Variants in CTNNBL1 observed in about 807,000 individuals in gnomAD.
CTNNBL1 encodes the protein catenin beta like 1.
CTNNBL1 carries 31 observed loss-of-function variants against 72.7 expected under a neutral mutation model. The ratio of observed to expected loss-of-function variants is 0.43; its 90% confidence interval spans 0.32 to 0.58. CTNNBL1 has a LOEUF of 0.58. Among genes scored for constraint, CTNNBL1 ranks in the 20% least tolerant of loss-of-function variants. The pLI is 0.08. For synonymous variants in CTNNBL1, 240 were observed against 267.3 expected (o/e 0.90, Z 1.00); for missense variants, 534 against 725.1 (o/e 0.74, Z 3.03).
intron 7 of CTNNBL1, among the ~76,000 whole-genome samples, chr20:37,771,147 C>A (rs2073519418): frequency 6.6e-6 from 1 of 152,122 alleles, no homozygotes; most frequent in Non-Finnish European, 1.5e-5. Context: ...ATTGCGAAAT[C>A]AAATATGATA....
At chr20:37,798,268 A>G (rs1204451575) in intron 10 of CTNNBL1, among the ~76,000 whole-genome samples, 4 of 152,236 alleles carry the variant, frequency 2.6e-5, no homozygotes, top group Admixed American at 2.0e-4. Flanking sequence ...TGCATAATAA[A>G]GAAGAATAAG....
At chr20:37,726,984 G>A (rs1345811062) in intron 1 of CTNNBL1, among the ~76,000 whole-genome samples, 1 of 152,160 alleles carries the variant, frequency 6.6e-6, no homozygotes, top group Non-Finnish European at 1.5e-5. Flanking sequence ...GCCCATAAAT[G>A]TGATAATATA....
At chr20:37,839,926 TG>T (rs745354146) in intron 11 of CTNNBL1, among the ~76,000 whole-genome samples, 175 bp from the exon 12 acceptor site, 1 of 152,230 alleles carries the variant, frequency 6.6e-6, no homozygotes, top group Non-Finnish European at 1.5e-5. Flanking sequence ...TTTTGTGCAA[TG>T]TGAAGATTGG....
At chr20:37,793,040 C>T (rs1191634681) in intron 10 of CTNNBL1, among the ~76,000 whole-genome samples, 2 of 152,106 alleles carry the variant, frequency 1.3e-5, no homozygotes, top group Admixed American at 1.3e-4. Context: ...TTTATTAAGA[C>T]TTGTTTTTGG....
intron 11 of CTNNBL1, among the ~76,000 whole-genome samples, chr20:37,828,422 T>G (rs2072179426): frequency 6.6e-6 from 1 of 152,204 alleles, no homozygotes. Context: ...TGGGTATATT[T>G]TAACTCTTGA....
At chr20:37,840,286 T>C (rs1348157630) in intron 12 of CTNNBL1, 87 bp downstream of exon 12, 3 of 991,116 alleles carry the variant, frequency 3.0e-6, no homozygotes, top group Middle Eastern at 2.1e-4. Context: ...CTGGGTTGAG[T>C]GGTCCTACCC....
intron 3 of CTNNBL1, among the ~76,000 whole-genome samples, chr20:37,745,791 G>A (rs936685093): frequency 1.3e-5 from 2 of 152,196 alleles, no homozygotes; most frequent in Non-Finnish European, 2.9e-5. Context: ...TTTCTTGTAT[G>A]TCAAACACCG....
intron 12 of CTNNBL1, among the ~76,000 whole-genome samples, chr20:37,840,987 A>G (rs755910192): frequency 1.3e-5 from 2 of 152,242 alleles, no homozygotes; most frequent in Non-Finnish European, 2.9e-5. Context: ...ATGAGATTAG[A>G]TGGATATTTT....
intron 12 of CTNNBL1, 33 bp downstream of exon 12, chr20:37,840,232 G>C (rs757197684): frequency 6.8e-7 from 1 of 1,471,370 alleles, no homozygotes; most frequent in South Asian, 1.1e-5. Flanking sequence ...AGCTGGGACC[G>C]GGACTGATAG....
chr20:37,707,813 G>T (rs1234107250), intron 1 of CTNNBL1, among the ~76,000 whole-genome samples: 1 of 152,144 alleles, frequency 6.6e-6, no homozygotes, highest in Non-Finnish European at 1.5e-5. Context: ...TATAGCTTTT[G>T]ATTTAAAGTG....
At chr20:37,727,464 CT>C in intron 1 of CTNNBL1, 1 of 468,896 alleles carries the variant, frequency 2.1e-6, no homozygotes, top group Non-Finnish European at 2.8e-6. Context: ...GTGGGAAATG[CT>C]TAGCTTTTAT....
intron 10 of CTNNBL1, among the ~76,000 whole-genome samples, chr20:37,786,132 A>G (rs2073671489): frequency 6.6e-6 from 1 of 152,064 alleles, no homozygotes; most frequent in African/African-American, 2.4e-5. Context: ...CTCTGTGCTG[A>G]GCTGCCTGGT....
At chr20:37,871,837 C>G in intron 15 of CTNNBL1, 88 bp from the exon 16 acceptor site, 1 of 1,156,554 alleles carries the variant, frequency 8.6e-7, no homozygotes, top group Non-Finnish European at 1.3e-6. Context: ...TCTGTGGGAG[C>G]TGGGGTTCTG....
intron 1 of CTNNBL1, among the ~76,000 whole-genome samples, chr20:37,725,077 T>G (rs2122584792): frequency 6.6e-6 from 1 of 152,142 alleles, no homozygotes; most frequent in Non-Finnish European, 1.5e-5. Context: ...GGCTAATTTT[T>G]TAAATTTTTT....
At chr20:37,771,568 CT>C (rs11477083) in intron 7 of CTNNBL1, among the ~76,000 whole-genome samples, 41,345 of 146,628 alleles carry the variant, frequency 0.28, 5,815 homozygotes, top group Non-Finnish European at 0.32. Context: ...TTTTAGATAC[CT>C]TTTTTTTTTT....
At chr20:37,790,987 A>G (rs2073720225) in intron 10 of CTNNBL1, among the ~76,000 whole-genome samples, 1 of 152,096 alleles carries the variant, frequency 6.6e-6, no homozygotes, top group Non-Finnish European at 1.5e-5. Context: ...CATTTTCTAG[A>G]ATTTTATGTA....
At chr20:37,802,561 A>G (rs540463764) in intron 10 of CTNNBL1, among the ~76,000 whole-genome samples, 74 of 152,308 alleles carry the variant, frequency 4.9e-4, no homozygotes, top group Non-Finnish European at 9.6e-4. Flanking sequence ...AATGTCTATA[A>G]TCTCAACACC....
At position 37,726,282 on chromosome 20, in the gene CTNNBL1, C is replaced by A. The variant is rs2073083906; in HGVS notation, c.31-6597C>A. On this transcript the variant is annotated intron_variant, in intron 1 of 15. Transcript: ENST00000361383. ...TGTTGATGGTCGTTTCTAGTTATAG[C>A]CTGTCTAAAATAGCCACTAGTCTGT... 4.6e-5 allele frequency among the ~76,000 whole-genome samples: 7 copies of A among 152,280 alleles called. No homozygotes were observed. In the South Asian group the frequency reaches 1.4e-3, roughly 32 times the overall value.
chr20:37,852,527 G>A (rs749358108), intron 13 of CTNNBL1, among the ~76,000 whole-genome samples: 8 of 152,124 alleles, frequency 5.3e-5, no homozygotes, highest in Non-Finnish European at 1.0e-4. Context: ...CTCTGGGAAC[G>A]CCATCAGCCA....
Sources: gnomAD v4.1 joint callset for allele counts (sites outside exome capture counted in the v4.1 genomes callset) on GRCh38, gnomAD v4.1.1 for gene constraint, MANE v1.5 for transcripts, NCBI Gene and HGNC (gene_info 2026-07-23, HGNC 2026-07-21) for gene names.